LAMA2: variants seen among roughly 807,000 people sequenced by gnomAD.
LAMA2 encodes the protein laminin subunit alpha 2, also known as laminin subunit alpha-2.
LAMA2 carries 269 observed loss-of-function variants against 364.8 expected under a neutral mutation model. The observed-to-expected ratio is 0.74, with a 90% CI of 0.67 to 0.82. The LOEUF (loss-of-function observed/expected upper bound fraction) is 0.82. LAMA2 is among the 40% of genes least tolerant of loss of function. LAMA2 has a pLI of 0.00. For synonymous variants in LAMA2, 1,379 were observed against 1,370.6 expected, an observed-to-expected ratio of 1.01 and a Z score of -0.14; for missense variants, 3,807 against 3,873.2, an observed-to-expected ratio of 0.98 and a Z score of 0.45.
intron 17 of LAMA2, among the ~76,000 whole-genome samples, chr6:129,272,936 A>C (rs1241969754): frequency 6.6e-6 from 1 of 152,120 alleles, no homozygotes; most frequent in Non-Finnish European, 1.5e-5. Context: ...AATTGTCTCC[A>C]ACAAAAGAAG....
rs1779001424 is a variant in LAMA2, at chr6:129,154,660, G to C, written c.1183G>C (p.Asp395His). The C allele has an allele frequency of 1.9e-6, 3 of 1,613,836 alleles. No individual in the cohort carries two copies. In the African/African-American group the frequency reaches 4.0e-5, roughly 22 times the overall value. The change falls in exon 8 of 65, where the codon GAT (aspartate) becomes CAT (histidine). Residue 395 changes from aspartate (D) to histidine (H), a missense_variant. By Grantham distance (81) the Asp-to-His change is moderately conservative. Coordinates refer to ENST00000421865, the MANE Select transcript of LAMA2 (RefSeq NM_000426.4). Reference protein sequence around the residue: ...TAGINCETCTDGFFRPKGVSP... With the variant: ...TAGINCETCTHGFFRPKGVSP... ...TGGTATAAACTGCGAGACATGTACT[G>C]ATGGCTTCTTCAGACCCAAAGGGGT...
At chr6:129,050,215 A>G in intron 2 of LAMA2, 127 bp downstream of exon 2, 3 of 932,512 alleles carry the variant, frequency 3.2e-6, no homozygotes, top group Non-Finnish European at 5.0e-6. Flanking sequence ...TTTACCATTA[A>G]GAGCTTCTTC....
At chr6:129,337,527 A>T (rs1006666660) in intron 29 of LAMA2, among the ~76,000 whole-genome samples, 6 of 152,106 alleles carry the variant, frequency 3.9e-5, no homozygotes, top group Admixed American at 2.6e-4. Flanking sequence ...GTAAGGAAAA[A>T]CTTCACAGCT....
chr6:129,096,151 G>C (rs1344656726), intron 3 of LAMA2, among the ~76,000 whole-genome samples: 5 of 152,102 alleles, frequency 3.3e-5, no homozygotes, highest in Non-Finnish European at 7.4e-5. Flanking sequence ...GACATTCTAC[G>C]TGATGAGTTG....
At chr6:129,148,918 A>G (rs1778637765) in intron 6 of LAMA2, 61 bp from the exon 7 acceptor site, 2 of 1,043,666 alleles carry the variant, frequency 1.9e-6, no homozygotes, top group South Asian at 2.5e-5. Context: ...CTTTAGAGAG[A>G]GGCTTCCTTT....
intron 31 of LAMA2, among the ~76,000 whole-genome samples, chr6:129,352,249 G>T (rs1304854516): frequency 6.6e-6 from 1 of 152,204 alleles, no homozygotes; most frequent in Non-Finnish European, 1.5e-5. Context: ...CTAGCATTGT[G>T]TAAAGTTACC....
chr6:128,967,075 A>G (rs149069059), intron 1 of LAMA2, among the ~76,000 whole-genome samples: 2 of 152,306 alleles, frequency 1.3e-5, no homozygotes, highest in Admixed American at 1.3e-4. Context: ...TACTATGAAT[A>G]CAGACCAGGG....
intron 27 of LAMA2, among the ~76,000 whole-genome samples, chr6:129,317,127 C>T (rs781349716): frequency 1.5e-4 from 23 of 152,152 alleles, no homozygotes; most frequent in South Asian, 6.2e-4. Context: ...TTTGAGTAGA[C>T]GGTTCACCTT....
At chr6:129,353,470 G>A in intron 32 of LAMA2, 113 bp downstream of exon 32, 1 of 793,298 alleles carries the variant, frequency 1.3e-6, no homozygotes, top group South Asian at 1.5e-5. Context: ...TTTTGCAATA[G>A]TTATACTCTT....
chr6:129,145,155 C>T (rs77362769), intron 5 of LAMA2, among the ~76,000 whole-genome samples: 1 of 151,948 alleles, frequency 6.6e-6, no homozygotes, highest in South Asian at 2.1e-4. Flanking sequence ...AATGATCCCA[C>T]TAAGGTAAGA....
intron 45 of LAMA2, among the ~76,000 whole-genome samples, chr6:129,446,373 T>C (rs1441867661): frequency 1.3e-5 from 2 of 151,422 alleles, no homozygotes; most frequent in Non-Finnish European, 2.9e-5. Flanking sequence ...TCTCAAAATT[T>C]TGCTCTTTAC....
intron 3 of LAMA2, among the ~76,000 whole-genome samples, chr6:129,088,249 A>G (rs1774521873): frequency 6.6e-6 from 1 of 151,854 alleles, no homozygotes; most frequent in Non-Finnish European, 1.5e-5. Context: ...AGGCAGAAGA[A>G]TCTTTCTTAG....
intron 8 of LAMA2, among the ~76,000 whole-genome samples, chr6:129,159,726 G>A (rs185637361): frequency 5.9e-5 from 9 of 152,252 alleles, no homozygotes; most frequent in African/African-American, 2.2e-4. Context: ...AGTATGATGT[G>A]AACTGCATAT....
intron 51 of LAMA2, among the ~76,000 whole-genome samples, chr6:129,466,023 A>G (rs571112833): frequency 6.6e-6 from 1 of 152,076 alleles, no homozygotes; most frequent in South Asian, 2.1e-4. Context: ...ACTTCTGCTA[A>G]TATAAATAGA....
chr6:129,065,279 G>A (rs1453806374), intron 3 of LAMA2, among the ~76,000 whole-genome samples: 1 of 152,150 alleles, frequency 6.6e-6, no homozygotes, highest in African/African-American at 2.4e-5. Flanking sequence ...GACTGTATAT[G>A]ACACATCCTC....
intron 32 of LAMA2, among the ~76,000 whole-genome samples, chr6:129,360,924 C>G (rs1351951203): frequency 6.6e-6 from 1 of 152,134 alleles, no homozygotes; most frequent in East Asian, 1.9e-4. Context: ...ACGATAGGTA[C>G]TTTCCTTGGA....
intron 1 of LAMA2, among the ~76,000 whole-genome samples, chr6:128,889,498 T>C (rs894629737): frequency 1.2e-4 from 19 of 152,148 alleles, no homozygotes; most frequent in African/African-American, 4.3e-4. Flanking sequence ...TTCTGTCATT[T>C]AGAACAAAAA....
At chr6:128,973,132 T>C (rs770932681) in intron 1 of LAMA2, among the ~76,000 whole-genome samples, 1 of 152,220 alleles carries the variant, frequency 6.6e-6, no homozygotes, top group Non-Finnish European at 1.5e-5. Context: ...ATTGCTGTCC[T>C]AATAGCTGAA....
At chr6:129,113,376 C>T (rs1186008711) in intron 4 of LAMA2, among the ~76,000 whole-genome samples, 1 of 151,966 alleles carries the variant, frequency 6.6e-6, no homozygotes, top group Non-Finnish European at 1.5e-5. Flanking sequence ...AGTCTTTTTG[C>T]TGGTGTTCCG....
Sources: allele counts gnomAD v4.1 joint callset (sites outside exome capture counted in the v4.1 genomes callset), GRCh38; gene constraint gnomAD v4.1.1; transcripts MANE v1.5; gene names NCBI Gene and HGNC (gene_info 2026-07-23, HGNC 2026-07-21).